BTK: variants seen among roughly 807,000 people sequenced by gnomAD.
BTK encodes tyrosine-protein kinase BTK.
BTK carries 5 observed loss-of-function variants against 57.4 expected under a neutral mutation model. The observed-to-expected ratio is 0.09, with a 90% CI of 0.05 to 0.18. The LOEUF (loss-of-function observed/expected upper bound fraction) is 0.18, where lower values mean the gene tolerates loss of function less well. Among genes scored for constraint, BTK ranks in the 10% least tolerant of loss-of-function variants. The pLI, the probability that BTK is intolerant of heterozygous loss-of-function variation, is 1.00. For synonymous variants in BTK, 154 were observed against 174.3 expected, an observed-to-expected ratio of 0.88 and a Z score of 0.92; for missense variants, 194 against 501.2, an observed-to-expected ratio of 0.39 and a Z score of 5.85.
chrX:101,382,033 A>G (rs1425678192), intron 1 of BTK, among the ~76,000 whole-genome samples: 1 of 105,010 alleles, frequency 9.5e-6, no homozygotes, highest in African/African-American at 3.5e-5. Context: ...CTCCGTCTCA[A>G]AAAAAAAAAA....
intron 16 of BTK, 46 bp downstream of exon 16, chrX:101,354,584 G>A (rs1473433796): frequency 8.7e-7 from 1 of 1,153,709 alleles, no homozygotes; most frequent in Admixed American, 2.2e-5. Flanking sequence ...GTTTCATACT[G>A]TGCTATTTTT....
chrX:101,358,230 G>T, intron 12 of BTK, 80 bp downstream of exon 12: 1 of 1,175,359 alleles, frequency 8.5e-7, no homozygotes, highest in Non-Finnish European at 1.2e-6. Context: ...CTGTGAGGCA[G>T]ATTCTTCCTC....
intron 4 of BTK, 41 bp from the exon 5 acceptor site, chrX:101,370,120 G>GA: frequency 9.7e-7 from 1 of 1,031,919 alleles, no homozygotes; most frequent in Non-Finnish European, 1.4e-6. Flanking sequence ...TTAGGATTCA[G>GA]AAAAAAGGAG....
At chrX:101,363,853 C>G (rs1486400210) in intron 5 of BTK, among the ~76,000 whole-genome samples, 1 of 106,867 alleles carries the variant, frequency 9.4e-6, no homozygotes, top group African/African-American at 3.4e-5. Flanking sequence ...AGAACATATA[C>G]ATTTCAGCAT....
At chrX:101,382,183 C>A (rs1927463319) in intron 1 of BTK, among the ~76,000 whole-genome samples, 2 of 110,619 alleles carry the variant, frequency 1.8e-5, no homozygotes, top group African/African-American at 6.6e-5. Context: ...TACAGGGGAC[C>A]AAATTTGTGA....
chrX:101,380,855 A>T (rs868965864), intron 1 of BTK, among the ~76,000 whole-genome samples: 21 of 107,813 alleles, frequency 1.9e-4, no homozygotes, highest in Non-Finnish European at 1.5e-4. Flanking sequence ...TCTCTACTAA[A>T]AATACAAAAA....
intron 1 of BTK, among the ~76,000 whole-genome samples, chrX:101,383,717 A>G (rs992108218): frequency 1.8e-5 from 2 of 111,644 alleles, no homozygotes; most frequent in South Asian, 3.8e-4. Flanking sequence ...TTGAGATTCA[A>G]ATAACCAATA....
chrX:101,357,397 G>T, intron 13 of BTK, 112 bp downstream of exon 13: 1 of 695,656 alleles, frequency 1.4e-6, no homozygotes, highest in Non-Finnish European at 2.3e-6. Flanking sequence ...GAGCGTCCTT[G>T]AGGCAGCTGC....
chrX:101,384,932 G>A (rs1259231032), intron 1 of BTK, among the ~76,000 whole-genome samples: 1 of 111,648 alleles, frequency 9.0e-6, no homozygotes, highest in Admixed American at 9.6e-5. Flanking sequence ...CTCTAGGTAG[G>A]CCCTCTGGGG....
At chrX:101,357,633 T>G in intron 12 of BTK, 50 bp from the exon 13 acceptor site, 4 of 996,290 alleles carry the variant, frequency 4.0e-6, no homozygotes, top group Non-Finnish European at 5.7e-6. Context: ...GGAGGTGGGA[T>G]GCCTCACACA....
chrX:101,354,024 G>C (rs1555977512), intron 16 of BTK, 36 bp from the exon 17 acceptor site: 1 of 1,042,312 alleles, frequency 9.6e-7, no homozygotes, highest in African/African-American at 1.8e-5. Context: ...ATTAGGATTT[G>C]GAGGCTTGAT....
At chrX:101,376,216 A>G (rs1049794008) in intron 1 of BTK, among the ~76,000 whole-genome samples, 1 of 112,326 alleles carries the variant, frequency 8.9e-6, no homozygotes, top group Admixed American at 9.5e-5. Flanking sequence ...TGGCTTTTTT[A>G]TTCACACCAA....
intron 18 of BTK, 114 bp downstream of exon 18, chrX:101,353,080 A>G (rs1926347534): frequency 2.1e-5 from 16 of 755,099 alleles, no homozygotes; most frequent in African/African-American, 8.7e-5. Flanking sequence ...TAAAAAAAAA[A>G]AAAAAGGAAA....
At position 101,376,614 on chromosome X, in the gene BTK, C is replaced by T. The variant is rs180952625; in HGVS notation, c.-30-1300G>A. On this transcript the variant is annotated intron_variant, in intron 1 of 18. Coordinates refer to ENST00000308731, the MANE Select transcript of BTK (RefSeq NM_000061.3). Reference sequence around the variant, plus strand: ...TATACTCCAGTCGGGGCAACAAGAGCGAAACTCCGTCTCAAAAAACAAAAT... The same window carrying T: ...TATACTCCAGTCGGGGCAACAAGAGTGAAACTCCGTCTCAAAAAACAAAAT... 5.1e-4 allele frequency among the ~76,000 whole-genome samples: 56 copies of T among 110,342 alleles called. No individual in the cohort carries two copies. The East Asian group carries it at 0.013, about 26-fold the overall frequency.
At chrX:101,385,160 T>C (rs1377957094) in intron 1 of BTK, among the ~76,000 whole-genome samples, 1 of 111,408 alleles carries the variant, frequency 9.0e-6, no homozygotes, top group East Asian at 2.8e-4. Context: ...AAAAAGTCAA[T>C]GCAATTCGGC....
upstream of BTK, chrX:101,390,781 G>A: frequency 2.1e-6 from 1 of 478,545 alleles, no homozygotes; most frequent in African/African-American, 2.4e-5. Flanking sequence ...TCCACCAAAA[G>A]AGATAAAGTG....
At chrX:101,373,923 T>C (rs1024254590) in intron 3 of BTK, among the ~76,000 whole-genome samples, 3 of 110,338 alleles carry the variant, frequency 2.7e-5, no homozygotes, top group Non-Finnish European at 5.7e-5. Flanking sequence ...TGCACACCTG[T>C]AATCCCAGCT....
At chrX:101,367,468 G>A (rs977808954) in intron 5 of BTK, among the ~76,000 whole-genome samples, 29 of 105,043 alleles carry the variant, frequency 2.8e-4, no homozygotes, top group Non-Finnish European at 4.3e-4. Flanking sequence ...AAACCCTGTC[G>A]CTACTAAAAA....
intron 1 of BTK, among the ~76,000 whole-genome samples, chrX:101,383,491 T>C (rs1927517758): frequency 9.0e-6 from 1 of 110,979 alleles, no homozygotes; most frequent in Admixed American, 9.7e-5. Context: ...TCTTTTCTGG[T>C]CCATTTCTAA....
Sources: gnomAD v4.1 joint callset for allele counts (sites outside exome capture counted in the v4.1 genomes callset) on GRCh38, gnomAD v4.1.1 for gene constraint, MANE v1.5 for transcripts, NCBI Gene and HGNC (gene_info 2026-07-23, HGNC 2026-07-21) for gene names.